Variants in THBS4 observed in about 807,000 individuals in gnomAD.
THBS4 encodes the protein thrombospondin 4.
A neutral mutation model predicts 115.7 loss-of-function variants in THBS4; 90 were observed. That is an observed-to-expected ratio of 0.78 (90% CI 0.66 to 0.93). The LOEUF is 0.93. Ranked by LOEUF, THBS4 falls within the 40% of genes least tolerant of loss-of-function variation. The pLI, the probability that THBS4 is intolerant of heterozygous loss-of-function variation, is 0.00. For synonymous variants in THBS4, 460 were observed against 479.3 expected (o/e 0.96, Z 0.53); for missense variants, 1,087 against 1,232.7 (o/e 0.88, Z 1.77).
At position 80,081,478 on chromosome 5, in the gene THBS4, C is replaced by T. The variant is rs370225849; in HGVS notation, c.2685-928C>T. ...AAATAATTTAAATATTTGAGCACAG[C>T]CACACCAGAAGACAAAATGAAACAG... is the stretch of plus-strand genomic sequence containing the variant. On this transcript the variant is annotated intron_variant, in intron 20 of 21. Transcript: ENST00000350881. Among the ~76,000 whole-genome samples, 21 of 152,260 alleles carry T rather than the reference C, an allele frequency of 1.4e-4. No individual in the cohort carries two copies. In the East Asian group the frequency reaches 3.3e-3, roughly 24 times the overall value.
chr5:80,076,780 C>T (rs1456248072), intron 15 of THBS4, 75 bp from the exon 16 acceptor site: 12 of 1,335,080 alleles, frequency 9.0e-6, no homozygotes, highest in Non-Finnish European at 1.2e-5. Context: ...CAAGCACAGA[C>T]TCTCCTTCCT....
At position 79,994,127 on chromosome 5, in the gene THBS4, G is replaced by C. The variant is rs534716861; in HGVS notation, n.81+2715G>C. Among the ~76,000 whole-genome samples, 3 of 152,244 alleles carry C rather than the reference G, an allele frequency of 2.0e-5. No homozygotes were observed. The East Asian group carries it at 5.8e-4, about 29-fold the overall frequency. On this transcript the variant is annotated intron_variant and non_coding_transcript_variant, in intron 1 of 3. Coordinates refer to the THBS4 transcript ENST00000510218. The stretch of plus-strand genomic sequence containing the variant: ...CATTTAATAATTTCTGACATTTATG[G>C]AGCAATTTCTACATGCCAGAAGTTG...
Position 80,035,945 on chromosome 5 carries a change from G to A in THBS4, c.88+320G>A. On this transcript the variant is annotated intron_variant, in intron 1 of 21. Coordinates refer to ENST00000350881, the MANE Select transcript of THBS4 (RefSeq NM_003248.6). The surrounding 1 kb of genome is among the most constrained non-coding windows in gnomAD (Gnocchi z 4.6). The stretch of plus-strand genomic sequence containing the variant: ...AGACCTCTTAACATGTTAGGCTCTG[G>A]TGTAGGGTGAATTCCGGGTCCTGCA... 1 of 1,045,094 alleles carries A rather than the reference G, an allele frequency of 9.6e-7. No homozygotes were observed. The highest frequency in any genetic ancestry group is 1.2e-6 in the Non-Finnish European group (1 of 862,210). 64.7% of individuals were successfully genotyped at this position (1,045,094 alleles called of 1,614,324 possible).
Position 80,077,002 on chromosome 5 carries a change from A to G in THBS4, c.2040A>G (p.Pro680=), listed in dbSNP as rs779486193. ...DGIPDLVPPG[P]DNCRLVPNPA... ...TCCCAGACCTGGTGCCCCCTGGACCAGACAACTGCCGGCTGGTCCCCAACC... is the reference window on the plus strand; with the variant it reads ...TCCCAGACCTGGTGCCCCCTGGACCGGACAACTGCCGGCTGGTCCCCAACC... Residue 680 remains proline (P), a synonymous_variant, in exon 16 of 22, where the codon CCA becomes CCG. Coordinates refer to ENST00000350881, the MANE Select transcript of THBS4 (RefSeq NM_003248.6). 5.6e-6 allele frequency: 9 copies of G among 1,612,562 alleles called. No homozygotes were observed. In the East Asian group the frequency reaches 1.8e-4, roughly 32 times the overall value.
intron 2 of THBS4, among the ~76,000 whole-genome samples, chr5:80,048,815 CAA>C (rs1206811488): frequency 6.6e-6 from 1 of 152,120 alleles, no homozygotes; most frequent in Non-Finnish European, 1.5e-5. Flanking sequence ...ACTAAAGTTA[CAA>C]AGACCTAGTG....
intron 16 of THBS4, among the ~76,000 whole-genome samples, chr5:80,077,742 C>G (rs1743284959): frequency 6.6e-6 from 1 of 152,204 alleles, no homozygotes; most frequent in Non-Finnish European, 1.5e-5. Flanking sequence ...TAAGATCCAC[C>G]AGTTGGTGAA....
At chr5:79,998,385 C>G (rs1013541160) in exon 2 of THBS4, 8 of 152,812 alleles carry the variant, frequency 5.2e-5, no homozygotes, top group African/African-American at 1.7e-4. Flanking sequence ...CGTAAGTTTT[C>G]TGAGACCCCC....
chr5:80,032,750 A>C (rs1832609794), upstream of THBS4, among the ~76,000 whole-genome samples: 1 of 152,310 alleles, frequency 6.6e-6, no homozygotes, highest in Admixed American at 6.5e-5. Context: ...TGCCTGCTTT[A>C]TTCTAGCCAT....
chr5:80,013,844 CT>C (rs1465053329), intron 2 of THBS4, among the ~76,000 whole-genome samples: 3 of 152,172 alleles, frequency 2.0e-5, no homozygotes, highest in Admixed American at 1.3e-4. Flanking sequence ...GGCATAGGGC[CT>C]AAAACGTAGT....
chr5:80,041,436 C>T (rs1028959469), intron 2 of THBS4, among the ~76,000 whole-genome samples: 5 of 152,192 alleles, frequency 3.3e-5, no homozygotes, highest in Admixed American at 6.5e-5. Context: ...CCATGACAGC[C>T]ACCCCATACT....
chr5:80,010,785 G>T (rs1005370823), intron 2 of THBS4, among the ~76,000 whole-genome samples: 30 of 152,374 alleles, frequency 2.0e-4, no homozygotes, highest in African/African-American at 6.3e-4. Context: ...AGCTGAGCTG[G>T]TCCTTCAGAG....
Position 80,035,640 on chromosome 5 carries a change from G to A in THBS4, c.88+15G>A. ...CACCCCCCAGGGTAAGTGGGTTCGG[G>A]TCGGGCCTGGGAGCGCCGGGCACCG... On this transcript the variant is annotated intron_variant, in intron 1 of 21. Coordinates refer to ENST00000350881, the MANE Select transcript of THBS4 (RefSeq NM_003248.6). The surrounding 1 kb of genome is among the most constrained non-coding windows in gnomAD (Gnocchi z 4.6). 7.5e-7 allele frequency: 1 copy of A among 1,333,914 alleles called. No homozygotes were observed. Among genetic ancestry groups the A allele is most frequent in the Non-Finnish European group, 9.6e-7 (1 of 1,040,526 alleles). 82.6% of individuals were successfully genotyped at this position (1,333,914 alleles called of 1,614,324 possible).
chr5:80,016,810 A>G lies in THBS4; in HGVS notation n.177+18383A>G, dbSNP rs188622958. Among the ~76,000 whole-genome samples, 30 of 152,264 alleles carry G rather than the reference A, an allele frequency of 2.0e-4. No individual in the cohort carries two copies. The East Asian group carries it at 4.6e-3, about 23-fold the overall frequency. ...CATAGACAAACTGCTTAAAATTCCA[A>G]CGTTTGATGAACTGATTCAAAACGG... On this transcript the variant is annotated intron_variant and non_coding_transcript_variant, in intron 2 of 3. Coordinates refer to the THBS4 transcript ENST00000510218.
intron 2 of THBS4, among the ~76,000 whole-genome samples, chr5:80,028,940 T>C (rs1240308164): frequency 5.3e-5 from 8 of 152,150 alleles, no homozygotes; most frequent in Admixed American, 5.2e-4. Flanking sequence ...AGTGAACTAA[T>C]TAGAAGTAAT....
At position 80,035,630 on chromosome 5, in the gene THBS4, G is replaced by C; in HGVS notation, c.88+5G>C. 7.4e-7 allele frequency: 1 copy of C among 1,352,168 alleles called. No homozygotes were observed. 83.8% of individuals were successfully genotyped at this position (1,352,168 alleles called of 1,614,324 possible). A position where few individuals can be genotyped will look rare whatever the true frequency, so the allele number is the denominator to read the frequency against. On this transcript the variant is annotated splice_donor_5th_base_variant and intron_variant, in intron 1 of 21. Coordinates refer to ENST00000350881, the MANE Select transcript of THBS4 (RefSeq NM_003248.6). This position sits in a 1 kb window ranked among gnomAD's most constrained non-coding sequence, Gnocchi z 4.6. The stretch of plus-strand genomic sequence containing the variant: ...GCGCCCAGGCCACCCCCCAGGGTAA[G>C]TGGGTTCGGGTCGGGCCTGGGAGCG...
At chr5:80,082,968 G>GCC in intron 21 of THBS4, 112 bp from the exon 22 acceptor site, 1 of 630,234 alleles carries the variant, frequency 1.6e-6, no homozygotes, top group Non-Finnish European at 2.3e-6. Context: ...CCTGCGGGGC[G>GCC]TCCTGGGCGG....
chr5:80,055,955 A>G lies in THBS4; in HGVS notation c.463A>G (p.Asn155Asp). 6.2e-7 allele frequency: 1 copy of G among 1,614,170 alleles called. No homozygotes were observed. Among genetic ancestry groups the G allele is most frequent in the Non-Finnish European group, 8.5e-7 (1 of 1,180,016 alleles). Residue 155 changes from asparagine to aspartate, a missense_variant, in exon 3 of 22, where the codon AAT (asparagine) becomes GAT (aspartate). Transcript: ENST00000350881. ...CTGCATCCAGGTGGATTCCGTTCACAATCTCCCCAGGGCCTTTGCTGGCCC... is the reference window on the plus strand; with the variant it reads ...CTGCATCCAGGTGGATTCCGTTCACGATCTCCCCAGGGCCTTTGCTGGCCC... ...LDCIQVDSVHNLPRAFAGPSQ... is the reference protein window; with the variant it reads ...LDCIQVDSVHDLPRAFAGPSQ...
At position 80,080,579 on chromosome 5, in the gene THBS4, C is replaced by CTTTTTTTT. The variant is rs67048630; in HGVS notation, c.2684+520_2684+527dup. ...AACTGCATGAGAGCAGCGCTTGTAT[C>CTTTTTTTT]TTTTTTTTTTTTTTTTTTTTTTTTT... On this transcript the variant is annotated intron_variant, in intron 20 of 21. Transcript: ENST00000350881. Among the ~76,000 whole-genome samples the CTTTTTTTT allele has an allele frequency of 1.5e-3, 74 of 50,496 alleles. 12 individuals are homozygous for CTTTTTTTT. In the South Asian group the frequency reaches 0.015, roughly 11 times the overall value. 33.1% of individuals were successfully genotyped at this position (50,496 alleles called of 152,430 possible). A position where few individuals can be genotyped will look rare whatever the true frequency, so the allele number is the denominator to read the frequency against.
At chr5:79,994,964 G>A (rs112116280) in intron 1 of THBS4, among the ~76,000 whole-genome samples, 7 of 152,320 alleles carry the variant, frequency 4.6e-5, no homozygotes, top group Middle Eastern at 3.4e-3. Context: ...GGGTGGGTAC[G>A]TTGCATTTAG....
Sources: allele counts gnomAD v4.1 joint callset (sites outside exome capture counted in the v4.1 genomes callset), GRCh38; gene constraint gnomAD v4.1.1; non-coding constraint Gnocchi (gnomAD v3.1); transcripts MANE v1.5; gene names NCBI Gene and HGNC (gene_info 2026-07-23, HGNC 2026-07-21).